LIPJ: variants seen among roughly 807,000 people sequenced by gnomAD.
The protein encoded by LIPJ is lipase family member J.
A neutral mutation model predicts 39.8 loss-of-function variants in LIPJ; 33 were observed. The observed-to-expected ratio is 0.83, with a 90% confidence interval of 0.63 to 1.11. The LOEUF is 1.11. LIPJ is among the 50% of genes least tolerant of loss of function. The probability of loss-of-function intolerance (pLI) is 0.00; values close to 1 mark genes in which losing one functional copy is unlikely to be tolerated. For missense variants in LIPJ, 422 were observed against 427.9 expected (o/e 0.99, Z 0.12); for synonymous variants, 128 against 139.2 (o/e 0.92, Z 0.57).
At chr10:88,611,046 G>A (rs555671704), downstream of LIPJ, among the ~76,000 whole-genome samples, 2 of 152,242 alleles carry the variant, frequency 1.3e-5, no homozygotes, top group East Asian at 3.9e-4. Context: ...GAGCAGTGCT[G>A]GTATCCACAG....
chr10:88,616,424 A>G, the LIPJ span, among the ~76,000 whole-genome samples: 5 of 152,220 alleles, frequency 3.3e-5, no homozygotes, highest in African/African-American at 1.2e-4. Flanking sequence ...ACCATTAGGA[A>G]GCAGGCTCAA....
the LIPJ span, among the ~76,000 whole-genome samples, chr10:88,616,368 T>A: frequency 6.6e-6 from 1 of 152,140 alleles, no homozygotes; most frequent in African/African-American, 2.4e-5. Context: ...CTGGCCTGCG[T>A]CAGGGAGAGG....
chr10:88,589,143 A>G (rs1284438284), intron 2 of LIPJ, among the ~76,000 whole-genome samples: 1 of 151,920 alleles, frequency 6.6e-6, no homozygotes, highest in Non-Finnish European at 1.5e-5. Flanking sequence ...TTCCTTCTAG[A>G]TATAATGCAA....
upstream of LIPJ, chr10:88,583,257 A>C (rs1490512172): frequency 1.4e-5 from 23 of 1,590,256 alleles, no homozygotes; most frequent in South Asian, 9.0e-5. Context: ...GCTTTCTGGA[A>C]AGGCGGCCGA....
chr10:88,590,949 CCTTCT>C (rs746063427), intron 3 of LIPJ, among the ~76,000 whole-genome samples: 3 of 151,560 alleles, frequency 2.0e-5, no homozygotes, highest in African/African-American at 7.3e-5. Flanking sequence ...ATATATATCT[CCTTCT>C]CTTCTACATA....
the LIPJ span, among the ~76,000 whole-genome samples, chr10:88,614,198 GTTGTT>G: frequency 1.4e-4 from 21 of 152,042 alleles, no homozygotes; most frequent in South Asian, 1.2e-3. Context: ...GTATAGTTGT[GTTGTT>G]TTAAGAAATC....
chr10:88,610,925 A>C (rs931954836), downstream of LIPJ, among the ~76,000 whole-genome samples: 4 of 152,258 alleles, frequency 2.6e-5, no homozygotes, highest in Non-Finnish European at 5.9e-5. Context: ...CTAGAAGAAA[A>C]CAGAGGAGAA....
At chr10:88,586,040 T>C (rs919800241), upstream of LIPJ, among the ~76,000 whole-genome samples, 1 of 152,220 alleles carries the variant, frequency 6.6e-6, no homozygotes, top group African/African-American at 2.4e-5. Flanking sequence ...AGAAAACCTT[T>C]ACTTACGCTG....
chr10:88,605,373 C>T (rs1486622094), intron 9 of LIPJ, among the ~76,000 whole-genome samples: 1 of 152,076 alleles, frequency 6.6e-6, no homozygotes, highest in East Asian at 1.9e-4. Flanking sequence ...AAAGAGGCCC[C>T]CCTCTGGGTA....
rs146520598 is a variant in LIPJ, at chr10:88,593,492, C to A, written c.131-454C>A. ...CTGGCTTTTTCCCAGCTGGCTTTTA[C>A]TGAGCATTCAAGGGCTTGTTTCATT... On this transcript the variant is annotated intron_variant, in intron 4 of 10. Transcript: ENST00000371939. 739 of 152,216 alleles carry A rather than the reference C, an allele frequency of 4.9e-3. 3 individuals are homozygous for A. Among genetic ancestry groups the A allele is most frequent in the Non-Finnish European group, 6.8e-3 (465 of 68,062 alleles). 9.4% of individuals were successfully genotyped at this position (152,216 alleles called of 1,614,324 possible). A position where few individuals can be genotyped will look rare whatever the true frequency, so the allele number is the denominator to read the frequency against.
chr10:88,612,650 A>G, the LIPJ span, among the ~76,000 whole-genome samples: 1 of 152,226 alleles, frequency 6.6e-6, no homozygotes, highest in African/African-American at 2.4e-5. Flanking sequence ...GAGACATTAT[A>G]TAATGATAAA....
the LIPJ span, among the ~76,000 whole-genome samples, chr10:88,622,047 G>A: frequency 6.6e-6 from 1 of 152,174 alleles, no homozygotes; most frequent in Non-Finnish European, 1.5e-5. Flanking sequence ...CAGCAGCTTC[G>A]AGTGTTGACT....
intron 4 of LIPJ, chr10:88,592,609 C>T (rs1851118152): frequency 6.6e-6 from 1 of 151,806 alleles, no homozygotes; most frequent in East Asian, 1.9e-4. Context: ...GTGGTCCCAC[C>T]CTGAGATTAG....
At chr10:88,613,007 T>C in the LIPJ span, among the ~76,000 whole-genome samples, 1 of 152,104 alleles carries the variant, frequency 6.6e-6, no homozygotes, top group Non-Finnish European at 1.5e-5. Context: ...TCTCAGTAAA[T>C]GTAAGAAAAC....
chr10:88,587,328 CAA>C (rs1850942050), exon 2 of LIPJ: 1 of 152,116 alleles, frequency 6.6e-6, no homozygotes, highest in African/African-American at 2.4e-5. Context: ...AAAAGAAACA[CAA>C]TATATGACTG....
At chr10:88,605,216 A>G (rs577732329) in intron 9 of LIPJ, among the ~76,000 whole-genome samples, 2 of 152,254 alleles carry the variant, frequency 1.3e-5, no homozygotes, top group African/African-American at 4.8e-5. Flanking sequence ...TAAAGAAAAA[A>G]GTGACTTCTG....
the LIPJ span, among the ~76,000 whole-genome samples, chr10:88,612,272 C>T: frequency 1.3e-5 from 2 of 152,156 alleles, no homozygotes; most frequent in African/African-American, 4.8e-5. Flanking sequence ...AGCTCTAAAT[C>T]TTGAAACAAA....
chr10:88,621,838 A>G, the LIPJ span, among the ~76,000 whole-genome samples: 1 of 152,180 alleles, frequency 6.6e-6, no homozygotes, highest in Non-Finnish European at 1.5e-5. Context: ...AGCAGAGGTA[A>G]ACATGTATGC....
upstream of LIPJ, chr10:88,583,007 C>G (rs1457198164): frequency 2.6e-6 from 4 of 1,558,076 alleles, no homozygotes; most frequent in South Asian, 2.3e-5. Flanking sequence ...GGGTGCAGGC[C>G]CACACCACCT....
Sources: allele counts gnomAD v4.1 joint callset (sites outside exome capture counted in the v4.1 genomes callset), GRCh38; gene constraint gnomAD v4.1.1; transcripts MANE v1.5; gene names NCBI Gene and HGNC (gene_info 2026-07-23, HGNC 2026-07-21).